Variants in PCDHA1 observed in about 807,000 individuals in gnomAD.
PCDHA1 encodes protocadherin alpha 1.
PCDHA1 carries 42 observed loss-of-function variants against 61.3 expected under a neutral mutation model. That is an observed-to-expected ratio of 0.69 (90% CI 0.54 to 0.89). The LOEUF (loss-of-function observed/expected upper bound fraction) is 0.89. PCDHA1 is among the 40% of genes least tolerant of loss of function. PCDHA1 has a pLI of 0.00. For missense variants in PCDHA1, 1,256 were observed against 1,235.3 expected, an observed-to-expected ratio of 1.02 and a Z score of -0.25; for synonymous variants, 610 against 553.8, an observed-to-expected ratio of 1.10 and a Z score of -1.43.
chr5:140,884,819 A>G (rs782729760), intron 1 of PCDHA1: 398 of 1,018,150 alleles, frequency 3.9e-4, no homozygotes, highest in Admixed American at 1.1e-3. Context: ...TGTGGACATT[A>G]TGTGTTGGAT....
intron 1 of PCDHA1, among the ~76,000 whole-genome samples, chr5:140,976,253 T>G (rs1554237440): frequency 6.6e-6 from 1 of 152,124 alleles, no homozygotes; most frequent in Non-Finnish European, 1.5e-5. Context: ...TAAATTTATT[T>G]AAAACACAGA....
chr5:140,844,834 C>T (rs1554140741), intron 1 of PCDHA1, among the ~76,000 whole-genome samples: 1 of 149,116 alleles, frequency 6.7e-6, no homozygotes, highest in Non-Finnish European at 1.5e-5. Context: ...TACACGTTTG[C>T]TTCTTGTGAC....
At chr5:140,972,660 A>ATTTTTTTT (rs11350929) in intron 1 of PCDHA1, among the ~76,000 whole-genome samples, 1 of 117,268 alleles carries the variant, frequency 8.5e-6, no homozygotes, top group Non-Finnish European at 1.7e-5. Context: ...AAGAAACCAA[A>ATTTTTTTT]TTTTTTTTTT....
chr5:140,903,401 T>C (rs577425497), intron 1 of PCDHA1, among the ~76,000 whole-genome samples: 1 of 152,218 alleles, frequency 6.6e-6, no homozygotes, highest in Non-Finnish European at 1.5e-5. Context: ...GAAACAGTAG[T>C]GCAGTCAGGA....
At position 140,787,540 on chromosome 5, in the gene PCDHA1, G is replaced by T; in HGVS notation, c.1250G>T (p.Ser417Ile). Residue 417 changes from serine (S) to isoleucine (I), a missense_variant, in exon 1 of 4, where the codon AGC becomes ATC. Physicochemically the swap from Ser to Ile is moderately radical, Grantham distance 142 (BLOSUM62 -2). Coordinates refer to ENST00000504120, the MANE Select transcript of PCDHA1 (RefSeq NM_018900.4). ...LVLDSALDRE[S>I]LSVYELVVTA... is the part of the protein sequence containing the mutation. ...TTGGACAGCGCCCTGGATCGCGAGA[G>T]CCTGTCGGTCTATGAGCTGGTGGTG... The T allele has an allele frequency of 1.2e-6, 2 of 1,614,234 alleles. No individual in the cohort carries two copies. The highest frequency in any genetic ancestry group is 1.7e-6 in the Non-Finnish European group (2 of 1,180,042).
rs181275532 is a variant in PCDHA1, at chr5:140,900,911, A to G, written c.2395-78038A>G. Among the ~76,000 whole-genome samples the G allele has an allele frequency of 2.3e-4, 35 of 152,252 alleles. 1 individual carries two copies. Among genetic ancestry groups the G allele is most frequent in the Admixed American group, 6.5e-4 (10 of 15,284 alleles). ...GGATAAAAGCCATTTTAACTGTGGTAAGATGATATCTCATTGTAGTTTTGA... is the reference window on the plus strand; with the variant it reads ...GGATAAAAGCCATTTTAACTGTGGTGAGATGATATCTCATTGTAGTTTTGA... On this transcript the variant is annotated intron_variant, in intron 1 of 3. Coordinates refer to ENST00000504120, the MANE Select transcript of PCDHA1 (RefSeq NM_018900.4).
At chr5:140,833,869 A>G (rs1554133991) in intron 1 of PCDHA1, among the ~76,000 whole-genome samples, 4 of 152,220 alleles carry the variant, frequency 2.6e-5, no homozygotes, top group Non-Finnish European at 5.9e-5. Flanking sequence ...AATCAAGAAT[A>G]TGAAGTTTCC....
In PCDHA1 at chr5:140,852,554, C is replaced by T. The variant is rs2150518333; in HGVS notation, c.2394+63870C>T. On this transcript the variant is annotated intron_variant, in intron 1 of 3. Coordinates refer to ENST00000504120, the MANE Select transcript of PCDHA1 (RefSeq NM_018900.4). ...GCCTCCCAAAGTGCTGGGATTAAAG[C>T]TGTGAGCCACTGTGCCAAGGCTTTT... The T allele has an allele frequency of 2.3e-3, 1,476 of 640,248 alleles. 60 individuals are homozygous for T. The highest frequency in any genetic ancestry group is 1.6e-3 in the Non-Finnish European group (826 of 501,678). 39.7% of individuals were successfully genotyped at this position (640,248 alleles called of 1,614,324 possible).
At chr5:140,811,159 G>A (rs553109730) in intron 1 of PCDHA1, 10 of 152,198 alleles carry the variant, frequency 6.6e-5, no homozygotes, top group African/African-American at 2.4e-4. Context: ...CCCTCCCCCA[G>A]TCCCCCACAC....
At chr5:140,850,849 G>C (rs2150500367) in intron 1 of PCDHA1, 4 of 1,596,076 alleles carry the variant, frequency 2.5e-6, no homozygotes, top group South Asian at 2.2e-5. Context: ...TCTACAGAGC[G>C]AACGGGAGAA....
In PCDHA1 at chr5:140,787,386, A is replaced by G. The variant is rs112959136; in HGVS notation, c.1096A>G (p.Ser366Gly). ...GCCTATCAGAGAGGACGCTCCACTC[A>G]GCACCGTCATCGCCCTCATCACCGT... ...YLPIREDAPL[S>G]TVIALITVSD... Residue 366 changes from serine (S) to glycine (G), a missense_variant, in exon 1 of 4, where the codon AGC (serine) becomes GGC (glycine). Physicochemically the swap from Ser to Gly is moderately conservative, Grantham distance 56. Coordinates refer to ENST00000504120, the MANE Select transcript of PCDHA1 (RefSeq NM_018900.4). The G allele has an allele frequency of 6.2e-7, 1 of 1,614,220 alleles. No individual in the cohort carries two copies.
chr5:140,802,676 G>A lies in PCDHA1; in HGVS notation c.2394+13992G>A, dbSNP rs541522479. 5 of 1,613,378 alleles carry A rather than the reference G, an allele frequency of 3.1e-6. No homozygotes were observed. In the African/African-American group the frequency reaches 6.7e-5, roughly 21 times the overall value. The stretch of plus-strand genomic sequence containing the variant: ...AGGAGAACGCCCTGGTGTCCTACTC[G>A]CTGGTGGAACGGCGGGTGGGGGAGC... On this transcript the variant is annotated intron_variant, in intron 1 of 3. Transcript: ENST00000504120.
At chr5:140,826,118 A>C (rs1008758273) in intron 1 of PCDHA1, among the ~76,000 whole-genome samples, 37 of 152,206 alleles carry the variant, frequency 2.4e-4, no homozygotes, top group African/African-American at 8.4e-4. Context: ...ATATATTCCT[A>C]ATATCCTGAG....
At chr5:140,790,730 G>A (rs1427537565) in intron 1 of PCDHA1, among the ~76,000 whole-genome samples, 1 of 152,186 alleles carries the variant, frequency 6.6e-6, no homozygotes, top group Non-Finnish European at 1.5e-5. Context: ...AGTATTAATG[G>A]CCAGGCTTAG....
chr5:140,799,256 A>C (rs78243922), intron 1 of PCDHA1, among the ~76,000 whole-genome samples: 1,619 of 152,184 alleles, frequency 0.011, 27 homozygotes, highest in African/African-American at 0.037. Flanking sequence ...ATCAGTATGG[A>C]GTCTACTCTG....
At chr5:140,935,840 G>T (rs155359) in intron 1 of PCDHA1, among the ~76,000 whole-genome samples, 87,412 of 151,068 alleles carry the variant, frequency 0.58, 26,203 homozygotes, top group African/African-American at 0.75. Context: ...ATTCCATACT[G>T]CTTAATGGTG....
intron 1 of PCDHA1, among the ~76,000 whole-genome samples, chr5:140,950,022 A>T (rs1355491628): frequency 6.6e-6 from 1 of 151,918 alleles, no homozygotes; most frequent in Non-Finnish European, 1.5e-5. Context: ...CCTTCATAAA[A>T]TATAGAAAAG....
intron 1 of PCDHA1, chr5:140,807,885 T>C: frequency 6.2e-7 from 1 of 1,614,096 alleles, no homozygotes; most frequent in South Asian, 1.1e-5. Context: ...ATCACAGTAC[T>C]GGATGCCAAT....
chr5:140,841,340 G>A lies in PCDHA1; in HGVS notation c.2394+52656G>A, dbSNP rs2150313851. On this transcript the variant is annotated intron_variant, in intron 1 of 3. Transcript: ENST00000504120. ...ATTTAACATGGATTATCACTGGCGA[G>A]GAGAGCTGGGATCCTGGCGACTACT... 11 of 1,611,670 alleles carry A rather than the reference G, an allele frequency of 6.8e-6. No individual in the cohort carries two copies. Among genetic ancestry groups the A allele is most frequent in the South Asian group, 5.5e-5 (5 of 90,928 alleles).
Sources: allele counts gnomAD v4.1 joint callset (sites outside exome capture counted in the v4.1 genomes callset), GRCh38; gene constraint gnomAD v4.1.1; transcripts MANE v1.5; gene names NCBI Gene and HGNC (gene_info 2026-07-23, HGNC 2026-07-21).